TENM3: variants seen among roughly 807,000 people sequenced by gnomAD.
The protein encoded by TENM3 is teneurin-3.
A neutral mutation model predicts 255.1 loss-of-function variants in TENM3; 63 were observed. That is an observed-to-expected ratio of 0.25 (90% confidence interval 0.20 to 0.30). The LOEUF (loss-of-function observed/expected upper bound fraction) is 0.30, where lower values mean the gene tolerates loss of function less well. Among genes scored for constraint, TENM3 ranks in the 10% least tolerant of loss-of-function variants. The pLI, the probability that TENM3 is intolerant of heterozygous loss-of-function variation, is 1.00. For synonymous variants in TENM3, 1,306 were observed against 1,322.3 expected (o/e 0.99, Z 0.27); for missense variants, 2,929 against 3,461.1 (o/e 0.85, Z 3.86).
At chr4:181,598,463 T>G in the TENM3 span, among the ~76,000 whole-genome samples, 4 of 152,170 alleles carry the variant, frequency 2.6e-5, no homozygotes, top group Non-Finnish European at 2.9e-5. Context: ...AACCCCCAGC[T>G]AAATAGAAGA....
At chr4:181,975,539 G>A in the TENM3 span, 2 of 152,204 alleles carry the variant, frequency 1.3e-5, no homozygotes, top group Non-Finnish European at 2.9e-5. Context: ...GTTTTGAATA[G>A]TGCTGCGATA....
chr4:182,629,028 A>G (rs1245577023), intron 5 of TENM3, 139 bp downstream of exon 5: 3 of 638,722 alleles, frequency 4.7e-6, no homozygotes, highest in Non-Finnish European at 8.1e-6. Flanking sequence ...AATGTATCAT[A>G]AATCACAGAG....
At chr4:182,693,093 A>G (rs1757133192) in intron 12 of TENM3, among the ~76,000 whole-genome samples, 1 of 152,052 alleles carries the variant, frequency 6.6e-6, no homozygotes, top group Non-Finnish European at 1.5e-5. Flanking sequence ...TCACTTTTTC[A>G]GATCATTTGG....
the TENM3 span, among the ~76,000 whole-genome samples, chr4:182,048,748 G>GCA: frequency 3.9e-5 from 5 of 129,784 alleles, no homozygotes; most frequent in African/African-American, 1.7e-4. Context: ...CACTTTTCCA[G>GCA]CAGAGCAGCA....
At chr4:181,520,483 G>C in the TENM3 span, among the ~76,000 whole-genome samples, 7 of 152,080 alleles carry the variant, frequency 4.6e-5, no homozygotes, top group Non-Finnish European at 8.8e-5. Context: ...GCACATGACT[G>C]AAAGACAGTT....
At chr4:181,968,695 G>A in the TENM3 span, among the ~76,000 whole-genome samples, 1 of 152,132 alleles carries the variant, frequency 6.6e-6, no homozygotes, top group African/African-American at 2.4e-5. Context: ...AATTCAATGG[G>A]TATAAATAAA....
the TENM3 span, among the ~76,000 whole-genome samples, chr4:181,746,683 C>G: frequency 6.6e-6 from 1 of 151,924 alleles, no homozygotes; most frequent in African/African-American, 2.4e-5. Flanking sequence ...TTTCCCTATG[C>G]AGAAATCTAT....
chr4:182,422,589 G>T lies in TENM3; in HGVS notation c.511+75660G>T, dbSNP rs1770919115. Among the ~76,000 whole-genome samples the T allele has an allele frequency of 2.0e-5, 3 of 152,160 alleles. No homozygotes were observed. The South Asian group carries it at 6.2e-4, about 32-fold the overall frequency. ...GAAACCAATTTAAGAATTCTCTCCG[G>T]CTTTACTGGGGACCTGGAAATAGTC... On this transcript the variant is annotated intron_variant, in intron 3 of 27. Transcript: ENST00000511685.
the TENM3 span, among the ~76,000 whole-genome samples, chr4:182,003,612 T>C: frequency 6.6e-6 from 1 of 152,070 alleles, no homozygotes; most frequent in Non-Finnish European, 1.5e-5. Context: ...GATATTGACT[T>C]TGTTTTCTTG....
the TENM3 span, among the ~76,000 whole-genome samples, chr4:181,597,004 C>T: frequency 2.0e-5 from 3 of 152,078 alleles, no homozygotes; most frequent in Non-Finnish European, 2.9e-5. Context: ...TTAATCTGTA[C>T]AGCAAACCCC....
intron 1 of TENM3, among the ~76,000 whole-genome samples, chr4:182,162,161 G>A (rs1751394418): frequency 1.3e-5 from 2 of 151,674 alleles, no homozygotes; most frequent in African/African-American, 2.4e-5. Flanking sequence ...TGGGATTACA[G>A]GCAAGCTACC....
the TENM3 span, among the ~76,000 whole-genome samples, chr4:181,864,072 C>G: frequency 6.6e-6 from 1 of 152,118 alleles, no homozygotes; most frequent in Non-Finnish European, 1.5e-5. Context: ...AGGTTGTAAT[C>G]AAACGTCTTA....
At chr4:181,818,729 C>T in the TENM3 span, among the ~76,000 whole-genome samples, 16 of 151,888 alleles carry the variant, frequency 1.1e-4, no homozygotes, top group African/African-American at 3.9e-4. Flanking sequence ...CGTGCCTCAG[C>T]CTCCTGAGTA....
chr4:182,237,375 C>CTTTTTTT (rs57257112), intron 1 of TENM3, among the ~76,000 whole-genome samples: 36,190 of 147,672 alleles, frequency 0.25, 5,013 homozygotes, highest in African/African-American at 0.35. Flanking sequence ...ATTCTGTTTT[C>CTTTTTTT]TTTTTTTTGA....
the TENM3 span, among the ~76,000 whole-genome samples, chr4:181,941,960 T>C: frequency 2.0e-5 from 3 of 152,184 alleles, no homozygotes; most frequent in African/African-American, 7.2e-5. Flanking sequence ...GACGCTTCTA[T>C]CAGAACACCT....
chr4:182,734,672 C>T (rs1229616685), intron 16 of TENM3, among the ~76,000 whole-genome samples: 1 of 152,164 alleles, frequency 6.6e-6, no homozygotes, highest in Admixed American at 6.5e-5. Context: ...GGATTTAAAG[C>T]TCACGCAGCT....
At chr4:181,546,732 AGAAG>A in the TENM3 span, among the ~76,000 whole-genome samples, 6 of 128,220 alleles carry the variant, frequency 4.7e-5, no homozygotes, top group South Asian at 2.7e-4. Context: ...AAAAAAAAGA[AGAAG>A]AAGAAGAAAT....
intron 2 of TENM3, among the ~76,000 whole-genome samples, chr4:182,327,769 G>T (rs1294361351): frequency 6.6e-6 from 1 of 152,142 alleles, no homozygotes; most frequent in African/African-American, 2.4e-5. Flanking sequence ...GGCTTGTTTT[G>T]CATTCTTAGA....
intron 1 of TENM3, among the ~76,000 whole-genome samples, chr4:182,319,012 C>G (rs1762899047): frequency 6.6e-6 from 1 of 152,218 alleles, no homozygotes; most frequent in African/African-American, 2.4e-5. Flanking sequence ...AAGCAGTCCT[C>G]TCACCTCAGC....
Sources: allele counts gnomAD v4.1 joint callset (sites outside exome capture counted in the v4.1 genomes callset), GRCh38; gene constraint gnomAD v4.1.1; transcripts MANE v1.5; gene names NCBI Gene and HGNC (gene_info 2026-07-23, HGNC 2026-07-21).